ALDH3A2: variants seen among roughly 807,000 people sequenced by gnomAD.
ALDH3A2 encodes aldehyde dehydrogenase 3 family member A2.
ALDH3A2 carries 36 observed loss-of-function variants against 51.3 expected under a neutral mutation model. The observed-to-expected ratio is 0.70, with a 90% CI of 0.54 to 0.93. ALDH3A2 has a LOEUF of 0.93. Among genes scored for constraint, ALDH3A2 ranks in the 40% least tolerant of loss-of-function variants. The probability of loss-of-function intolerance (pLI) is 0.00; values close to 1 mark genes in which losing one functional copy is unlikely to be tolerated. For missense variants in ALDH3A2, 552 were observed against 603.1 expected, an observed-to-expected ratio of 0.92 and a Z score of 0.89; for synonymous variants, 199 against 219.8, an observed-to-expected ratio of 0.91 and a Z score of 0.84.
At position 19,657,771 on chromosome 17, in the gene ALDH3A2, A is replaced by T; in HGVS notation, c.707A>T (p.Asn236Ile). ...CGCATAACCTGGGGAAAATACATGA[A>T]TTGTGGCCAAACCTGCATTGCACCC... ...CRRITWGKYM[N>I]CGQTCIAPDY... The change falls in exon 5 of 10, where the codon AAT (asparagine) becomes ATT (isoleucine). Residue 236 changes from asparagine to isoleucine, a missense_variant. By Grantham distance (149) the Asn-to-Ile change is moderately radical. Transcript: ENST00000176643. 6.2e-7 allele frequency: 1 copy of T among 1,613,954 alleles called. No individual in the cohort carries two copies. Among genetic ancestry groups the T allele is most frequent in the Non-Finnish European group, 8.5e-7 (1 of 1,179,852 alleles).
intron 3 of ALDH3A2, among the ~76,000 whole-genome samples, chr17:19,655,673 T>C: frequency 6.6e-6 from 1 of 152,382 alleles, no homozygotes; most frequent in East Asian, 1.9e-4. Context: ...TCTTCCTTGC[T>C]TGCCATCTGT....
rs764709902 is a variant in ALDH3A2 at position 19,663,367 on chromosome 17, C to G, written c.975C>G (p.Thr325=). The G allele has an allele frequency of 8.1e-6, 13 of 1,613,950 alleles. No individual in the cohort carries two copies. The Admixed American group carries it at 2.2e-4, about 27-fold the overall frequency. The change falls in exon 7 of 10, where the codon ACC becomes ACG. Residue 325 remains threonine (T), a synonymous_variant. Transcript: ENST00000176643. The stretch of plus-strand genomic sequence containing the variant: ...TACTTACCGATGTTGATCCTAAAAC[C>G]AAGGTGATGCAAGAAGAAATTTTTG... The part of the protein sequence containing the change: ...PTVLTDVDPK[T]KVMQEEIFGP...
Position 19,650,502 on chromosome 17 carries a change from G to A in ALDH3A2, c.154-1045G>A, listed in dbSNP as rs181657601. 1.0e-3 allele frequency among the ~76,000 whole-genome samples: 157 copies of A among 151,862 alleles called. 1 individual carries two copies. The highest frequency in any genetic ancestry group is 1.6e-3 in the Non-Finnish European group (112 of 67,944). On this transcript the variant is annotated intron_variant, in intron 1 of 9. Transcript: ENST00000176643. ...GGAGTCTCGCTCTTTCTCCCAGGCCGGACTGCAGTGGTGCTCTTTTGGCTC... is the reference window on the plus strand; with the variant it reads ...GGAGTCTCGCTCTTTCTCCCAGGCCAGACTGCAGTGGTGCTCTTTTGGCTC...
Position 19,663,407 on chromosome 17 carries a change from A to G in ALDH3A2, c.1015A>G (p.Ile339Val), listed in dbSNP as rs747082599. The change falls in exon 7 of 10, where the codon ATA becomes GTA. Residue 339 changes from isoleucine to valine, a missense_variant. Physicochemically the swap from Ile to Val is conservative, Grantham distance 29 (BLOSUM62 3). Coordinates refer to ENST00000176643, the MANE Select transcript of ALDH3A2 (RefSeq NM_000382.3). ...QEEIFGPILP[I>V]VPVKNVDEAI... Reference sequence around the variant, plus strand: ...AGAAATTTTTGGACCAATTCTTCCAATAGTGCCTGTGAAAAATGTAGATGA... The same window carrying G: ...AGAAATTTTTGGACCAATTCTTCCAGTAGTGCCTGTGAAAAATGTAGATGA... 16 of 1,614,098 alleles carry G rather than the reference A, an allele frequency of 9.9e-6. No individual in the cohort carries two copies. The highest frequency in any genetic ancestry group is 1.1e-5 in the Non-Finnish European group (13 of 1,180,042).
rs150614683 is a variant in ALDH3A2, at chr17:19,661,184, C to T, written c.856C>T (p.Arg286Cys). ...SPDYERIINL[R>C]HFKRILSLLE... The stretch of plus-strand genomic sequence containing the variant: ...TGATTATGAAAGGATCATCAATCTT[C>T]GTCATTTTAAGAGGATACTAAGTTT... The change falls in exon 6 of 10, where the codon CGT becomes TGT. Residue 286 changes from arginine (R) to cysteine (C), a missense_variant. Arg to Cys is a radical substitution (Grantham distance 180, BLOSUM62 -3). Coordinates refer to ENST00000176643, the MANE Select transcript of ALDH3A2 (RefSeq NM_000382.3). 3.0e-5 allele frequency: 48 copies of T among 1,613,240 alleles called. No individual in the cohort carries two copies. The highest frequency in any genetic ancestry group is 2.9e-5 in the Non-Finnish European group (34 of 1,179,438).
At chr17:19,673,567 C>T (rs914705106) in intron 9 of ALDH3A2, among the ~76,000 whole-genome samples, 4 of 151,614 alleles carry the variant, frequency 2.6e-5, no homozygotes, top group African/African-American at 7.3e-5. Flanking sequence ...AAAATACAAA[C>T]GTTAGCTGGG....
chr17:19,651,795 T>C lies in ALDH3A2; in HGVS notation c.385+17T>C, dbSNP rs776644635. ...TCGCTGCAGGTCTGGTGCCACCTTA[T>C]GTCTATATACCTTTTTAGGGAGGCT... On this transcript the variant is annotated intron_variant, in intron 2 of 9. Transcript: ENST00000176643. 2.5e-6 allele frequency: 4 copies of C among 1,600,992 alleles called. No individual in the cohort carries two copies. The African/African-American group carries it at 4.0e-5, about 16-fold the overall frequency.
chr17:19,665,032 C>G lies in ALDH3A2; in HGVS notation c.1192C>G (p.Pro398Ala), dbSNP rs748533536. The change falls in exon 8 of 10, where the codon CCA becomes GCA. Residue 398 changes from proline to alanine, a missense_variant. Pro to Ala is a conservative substitution (Grantham distance 27). Coordinates refer to ENST00000176643, the MANE Select transcript of ALDH3A2 (RefSeq NM_000382.3). ...VIMHFTLNSF[P>A]FGGVGSSGMG... is the part of the protein sequence containing the mutation. ...TATGCACTTCACGCTCAACTCTTTC[C>G]CATTTGGAGGAGTGGGTGAGTCTTA... The G allele has an allele frequency of 6.2e-7, 1 of 1,613,756 alleles. No individual in the cohort carries two copies. The highest frequency in any genetic ancestry group is 8.5e-7 in the Non-Finnish European group (1 of 1,179,696).
At position 19,654,406 on chromosome 17, in the gene ALDH3A2, A is replaced by G. The variant is rs2084865048; in HGVS notation, c.471+1774A>G. ...GGCTCGGGCAGCATGGGAACCCACC[A>G]GGGGCGGGGTGGGGGCCTTGGGCAT... On this transcript the variant is annotated intron_variant, in intron 3 of 9. Coordinates refer to ENST00000176643, the MANE Select transcript of ALDH3A2 (RefSeq NM_000382.3). The surrounding 1 kb of genome is among the most constrained non-coding windows in gnomAD (Gnocchi z 4.5). 6.6e-6 allele frequency among the ~76,000 whole-genome samples: 1 copy of G among 152,190 alleles called. No homozygotes were observed. Among genetic ancestry groups the G allele is most frequent in the Non-Finnish European group, 1.5e-5 (1 of 68,026 alleles).
intron 9 of ALDH3A2, among the ~76,000 whole-genome samples, chr17:19,672,192 A>G (rs1258451919): frequency 2.0e-5 from 3 of 152,168 alleles, no homozygotes; most frequent in Non-Finnish European, 4.4e-5. Flanking sequence ...GAGTAGTTGC[A>G]ACAGAGGCTG....
At chr17:19,655,152 GGGA>G (rs1159953783) in intron 3 of ALDH3A2, 2 of 152,202 alleles carry the variant, frequency 1.3e-5, no homozygotes, top group Non-Finnish European at 2.9e-5. Flanking sequence ...AGTTGCTACA[GGGA>G]GGAGTCTTCA....
intron 7 of ALDH3A2, among the ~76,000 whole-genome samples, chr17:19,664,371 G>A (rs2152330962): frequency 6.6e-6 from 1 of 152,308 alleles, no homozygotes; most frequent in East Asian, 1.9e-4. Flanking sequence ...CGTTTGCCAT[G>A]AACAATTGTC....
At chr17:19,665,878 G>A (rs768373079) in intron 8 of ALDH3A2, among the ~76,000 whole-genome samples, 3 of 152,102 alleles carry the variant, frequency 2.0e-5, no homozygotes, top group Admixed American at 6.5e-5. Flanking sequence ...TTGTAATACC[G>A]TCCTAAGTCA....
chr17:19,671,969 A>G lies in ALDH3A2; in HGVS notation c.1443+13A>G. The G allele has an allele frequency of 1.2e-6, 2 of 1,608,244 alleles. No individual in the cohort carries two copies. Among genetic ancestry groups the G allele is most frequent in the Non-Finnish European group, 8.5e-7 (1 of 1,174,674 alleles). Reference sequence around the variant, plus strand: ...TGTGCTTGTCAAGGTGAGTCCCTATAACCCATGAGTGCCATTCAGTCTGGT... The same window carrying G: ...TGTGCTTGTCAAGGTGAGTCCCTATGACCCATGAGTGCCATTCAGTCTGGT... On this transcript the variant is annotated intron_variant, in intron 9 of 9. Transcript: ENST00000176643.
At position 19,670,110 on chromosome 17, in the gene ALDH3A2, G is replaced by A. The variant is rs917837180; in HGVS notation, c.1208-1611G>A. Among the ~76,000 whole-genome samples, 22 of 151,994 alleles carry A rather than the reference G, an allele frequency of 1.4e-4. 1 individual carries two copies. The highest frequency in any genetic ancestry group is 1.9e-4 in the East Asian group (1 of 5,192). ...AAGCTCCTCATTATTACTGTTTTTC[G>A]ATGTTTTCTTGCTTGTTCTTATCTA... On this transcript the variant is annotated intron_variant, in intron 8 of 9. Coordinates refer to ENST00000176643, the MANE Select transcript of ALDH3A2 (RefSeq NM_000382.3).
chr17:19,665,360 TAAG>T (rs1055071394), intron 8 of ALDH3A2, among the ~76,000 whole-genome samples: 1 of 149,856 alleles, frequency 6.7e-6, no homozygotes, highest in African/African-American at 2.5e-5. Context: ...TCAAATTAAT[TAAG>T]AAGATCTCTC....
At position 19,661,275 on chromosome 17, in the gene ALDH3A2, G is replaced by A. The variant is rs1205006020; in HGVS notation, c.940+7G>A. On this transcript the variant is annotated splice_region_variant and intron_variant, in intron 6 of 9. Coordinates refer to ENST00000176643, the MANE Select transcript of ALDH3A2 (RefSeq NM_000382.3). Reference sequence around the variant, plus strand: ...GAGGCCACACGCTACATAGGTAATGGAAATTCTCCTTTTCCTATGGGAAGA... The same window carrying A: ...GAGGCCACACGCTACATAGGTAATGAAAATTCTCCTTTTCCTATGGGAAGA... 1 of 1,613,970 alleles carries A rather than the reference G, an allele frequency of 6.2e-7. No individual in the cohort carries two copies. Among genetic ancestry groups the A allele is most frequent in the Non-Finnish European group, 8.5e-7 (1 of 1,180,020 alleles).
chr17:19,648,605 G>C (rs1226090044), upstream of ALDH3A2: 6 of 249,566 alleles, frequency 2.4e-5, no homozygotes, highest in East Asian at 2.1e-4. Flanking sequence ...GGCCGCGCTC[G>C]GCTCCCGCAC....
intron 4 of ALDH3A2, among the ~76,000 whole-genome samples, chr17:19,657,209 A>C (rs1443163161): frequency 6.6e-6 from 1 of 152,228 alleles, no homozygotes; most frequent in Non-Finnish European, 1.5e-5. Context: ...TCAAAACCAG[A>C]CACCCTCAGT....
Sources: allele counts gnomAD v4.1 joint callset (sites outside exome capture counted in the v4.1 genomes callset), GRCh38; gene constraint gnomAD v4.1.1; non-coding constraint Gnocchi (gnomAD v3.1); transcripts MANE v1.5; gene names NCBI Gene and HGNC (gene_info 2026-07-23, HGNC 2026-07-21).